The following DCAF7 variants were observed in gnomAD, a reference collection of about 807,000 sequenced individuals.
DCAF7 encodes DDB1 and CUL4 associated factor 7.
DCAF7 carries 4 observed loss-of-function variants against 41.2 expected under a neutral mutation model. The ratio of observed to expected loss-of-function variants is 0.10; its 90% CI spans 0.05 to 0.22. The LOEUF is 0.22. Ranked by LOEUF, DCAF7 falls within the 10% of genes least tolerant of loss-of-function variation. DCAF7 has a pLI of 1.00. For synonymous variants in DCAF7, 143 were observed against 164.2 expected (o/e 0.87, Z 0.99); for missense variants, 131 against 443.2 (o/e 0.30, Z 6.32).
intron 1 of DCAF7, among the ~76,000 whole-genome samples, chr17:63,567,690 C>T (rs1425065182): frequency 6.6e-6 from 1 of 152,146 alleles, no homozygotes; most frequent in Non-Finnish European, 1.5e-5. Context: ...GACAAGGTCT[C>T]ACTTTGTTGC....
At chr17:63,552,222 G>C (rs2033265149) in intron 1 of DCAF7, 1 of 152,316 alleles carries the variant, frequency 6.6e-6, no homozygotes, top group South Asian at 2.1e-4. Context: ...TGTACGGAAG[G>C]GGTTCTGGTT....
chr17:63,559,366 T>C (rs1338779791), intron 1 of DCAF7, among the ~76,000 whole-genome samples: 3 of 100,088 alleles, frequency 3.0e-5, no homozygotes, highest in Non-Finnish European at 3.8e-5. Flanking sequence ...TATGTATGTA[T>C]ATATATATGT....
chr17:63,551,960 C>A (rs563374363), intron 1 of DCAF7, among the ~76,000 whole-genome samples: 74 of 141,320 alleles, frequency 5.2e-4, no homozygotes, highest in Non-Finnish European at 8.2e-4. Flanking sequence ...CGCCTGTAGT[C>A]CCAGCTACTC....
At chr17:63,585,439 T>C in intron 6 of DCAF7, 111 bp downstream of exon 6, 1 of 1,008,550 alleles carries the variant, frequency 9.9e-7, no homozygotes, top group Non-Finnish European at 1.5e-6. Flanking sequence ...GAGAGATTTA[T>C]ACAAAATGAC....
chr17:63,551,653 C>T (rs1358145983), intron 1 of DCAF7, among the ~76,000 whole-genome samples: 1 of 151,968 alleles, frequency 6.6e-6, no homozygotes, highest in African/African-American at 2.4e-5. Context: ...CTTCCTTTTA[C>T]TCAAAGTTGT....
chr17:63,555,137 C>G (rs1468139618), intron 1 of DCAF7, among the ~76,000 whole-genome samples: 1 of 152,218 alleles, frequency 6.6e-6, no homozygotes, highest in Admixed American at 6.5e-5. Context: ...TATTTCCCCT[C>G]TTTTATTGGG....
At chr17:63,580,151 C>T (rs2033605337) in intron 4 of DCAF7, among the ~76,000 whole-genome samples, 1 of 152,034 alleles carries the variant, frequency 6.6e-6, no homozygotes, top group Non-Finnish European at 1.5e-5. Flanking sequence ...ATGTAAATGA[C>T]CTATTCTACG....
intron 1 of DCAF7, among the ~76,000 whole-genome samples, chr17:63,563,389 A>C (rs1279165888): frequency 6.6e-6 from 1 of 152,234 alleles, no homozygotes; most frequent in Non-Finnish European, 1.5e-5. Flanking sequence ...TACTGCTGCT[A>C]AGAATGTTAG....
Position 63,551,891 on chromosome 17 carries a change from CAAAAAAAAAAAAAAAAAAAAAAA to C in DCAF7, c.138+1094_138+1116del, listed in dbSNP as rs529811578. On this transcript the variant is annotated intron_variant, in intron 1 of 6. Transcript: ENST00000614556. Reference sequence around the variant, plus strand: ...GTGAAACCCCGTCTCTACTAAAATACAAAAAAAAAAAAAAAAAAAAAAAAAAAAAAAAAAAAAAAAGCCGGGCG... The same window carrying C: ...GTGAAACCCCGTCTCTACTAAAATACAAAAAAAAAAAAAAAAAGCCGGGCG... 1.9e-3 allele frequency among the ~76,000 whole-genome samples: 51 copies of C among 27,298 alleles called. No individual in the cohort carries two copies. The East Asian group carries it at 0.033, about 18-fold the overall frequency. 17.9% of individuals were successfully genotyped at this position (27,298 alleles called of 152,430 possible).
At chr17:63,588,149 A>T (rs1179885309) in intron 6 of DCAF7, among the ~76,000 whole-genome samples, 1 of 147,218 alleles carries the variant, frequency 6.8e-6, no homozygotes, top group South Asian at 2.1e-4. Context: ...ATTTAAAGTG[A>T]TTACCATCTT....
At position 63,583,690 on chromosome 17, in the gene DCAF7, C is replaced by A; in HGVS notation, c.717C>A (p.Thr239=). The A allele has an allele frequency of 6.2e-7, 1 of 1,613,892 alleles. No homozygotes were observed. Among genetic ancestry groups the A allele is most frequent in the Non-Finnish European group, 8.5e-7 (1 of 1,179,828 alleles). ...AGCAGGACCCTAACTACCTGGCCAC[C>A]ATGGCCATGGATGGAATGGAGGTGA... ...WNKQDPNYLA[T]MAMDGMEVVI... Residue 239 remains threonine (T), a synonymous_variant, in exon 5 of 7, where the codon ACC becomes ACA. Transcript: ENST00000614556.
At chr17:63,566,366 G>A (rs1289521196) in intron 1 of DCAF7, among the ~76,000 whole-genome samples, 13 of 83,566 alleles carry the variant, frequency 1.6e-4, no homozygotes, top group Admixed American at 1.2e-3. Flanking sequence ...GCGAGACTCT[G>A]TCTCAAAAAA....
At chr17:63,587,206 T>G (rs564389796) in intron 6 of DCAF7, among the ~76,000 whole-genome samples, 60 of 152,192 alleles carry the variant, frequency 3.9e-4, no homozygotes, top group Non-Finnish European at 7.5e-4. Context: ...TTGGAAGGCA[T>G]GAAGCTTTTC....
intron 1 of DCAF7, among the ~76,000 whole-genome samples, chr17:63,578,111 C>T (rs1311203617): frequency 3.9e-5 from 6 of 152,122 alleles, no homozygotes; most frequent in African/African-American, 1.4e-4. Context: ...GTCTGTAATC[C>T]CAGCACTTTT....
chr17:63,577,979 G>T (rs555537973), intron 1 of DCAF7, among the ~76,000 whole-genome samples: 89 of 152,282 alleles, frequency 5.8e-4, no homozygotes, highest in African/African-American at 1.9e-3. Flanking sequence ...TTGAGTCTGG[G>T]TGTCCTTGTC....
intron 6 of DCAF7, among the ~76,000 whole-genome samples, chr17:63,586,054 G>A (rs1029286465): frequency 4.0e-5 from 6 of 151,150 alleles, no homozygotes; most frequent in African/African-American, 1.5e-4. Flanking sequence ...CAACCCAGGA[G>A]GTGGAGGTTG....
chr17:63,579,562 G>A (rs747360953), intron 3 of DCAF7, 114 bp downstream of exon 3: 45 of 754,896 alleles, frequency 6.0e-5, no homozygotes, highest in Non-Finnish European at 8.3e-5. Flanking sequence ...TAGGCTAGGC[G>A]TGGAATGTGG....
rs967465101 is a variant in DCAF7 at position 63,592,271 on chromosome 17, G to A, written c.*3099G>A. 3 of 152,242 alleles carry A rather than the reference G, an allele frequency of 2.0e-5. No homozygotes were observed. Among genetic ancestry groups the A allele is most frequent in the Non-Finnish European group, 4.4e-5 (3 of 68,120 alleles). The allele number at this position is 152,242 out of a possible 1,614,324, so 9.4% of individuals were successfully genotyped here. A position where few individuals can be genotyped will look rare whatever the true frequency, so the allele number is the denominator to read the frequency against. Reference sequence around the variant, plus strand: ...CAAAAAAAAATTAGCCGGGGGTGGTGGCGGGTACCTGTAGTCCTAGCTACT... The same window carrying A: ...CAAAAAAAAATTAGCCGGGGGTGGTAGCGGGTACCTGTAGTCCTAGCTACT... On this transcript the variant is annotated 3_prime_UTR_variant, in exon 7 of 7. Coordinates refer to ENST00000614556, the MANE Select transcript of DCAF7 (RefSeq NM_005828.5).
chr17:63,553,626 G>C (rs1246040707), intron 1 of DCAF7, among the ~76,000 whole-genome samples: 3 of 152,154 alleles, frequency 2.0e-5, no homozygotes, highest in African/African-American at 7.2e-5. Flanking sequence ...ACCAGCAGAG[G>C]ATAAAGTAAA....
Sources: allele counts gnomAD v4.1 joint callset (sites outside exome capture counted in the v4.1 genomes callset), GRCh38; gene constraint gnomAD v4.1.1; transcripts MANE v1.5; gene names NCBI Gene and HGNC (gene_info 2026-07-23, HGNC 2026-07-21).